The following TRIM33 variants were observed in gnomAD, a reference collection of about 807,000 sequenced individuals.
TRIM33 encodes the protein E3 ubiquitin-protein ligase TRIM33.
In TRIM33, 20 loss-of-function variants were observed where a neutral mutation model predicts 125.4. The ratio of observed to expected loss-of-function variants is 0.16; its 90% confidence interval spans 0.11 to 0.23. The LOEUF (loss-of-function observed/expected upper bound fraction) is 0.23, where lower values mean the gene tolerates loss of function less well. Among genes scored for constraint, TRIM33 ranks in the 10% least tolerant of loss-of-function variants. TRIM33 has a pLI of 1.00. For synonymous variants in TRIM33, 564 were observed against 513.9 expected (o/e 1.10, Z -1.32); for missense variants, 920 against 1,411.4 (o/e 0.65, Z 5.58).
intron 4 of TRIM33, among the ~76,000 whole-genome samples, chr1:114,458,117 C>T (rs916280450): frequency 6.6e-6 from 1 of 152,186 alleles, no homozygotes; most frequent in African/African-American, 2.4e-5. Context: ...TTAAAGCAAG[C>T]ATAATAGTTT....
Position 114,393,846 on chromosome 1 carries a change from A to G in TRIM33, c.*3802T>C, listed in dbSNP as rs1044376601. On this transcript the variant is annotated 3_prime_UTR_variant, in exon 20 of 20. Coordinates refer to ENST00000358465, the MANE Select transcript of TRIM33 (RefSeq NM_015906.4). ...GCCACAATATAGTGTCATTACTTCC[A>G]GCATACATTTAAATTTCTTAATTTT... 9.5e-6 allele frequency: 2 copies of G among 211,030 alleles called. No individual in the cohort carries two copies. The highest frequency in any genetic ancestry group is 1.9e-5 in the Non-Finnish European group (2 of 103,810). 13.1% of individuals were successfully genotyped at this position (211,030 alleles called of 1,614,324 possible).
intron 5 of TRIM33, 134 bp from the exon 6 acceptor site, chr1:114,431,046 A>C: frequency 1.3e-5 from 8 of 618,294 alleles, no homozygotes; most frequent in East Asian, 5.6e-5. Context: ...TGTACAACTC[A>C]TGTTTCAGCA....
rs148968005 is a variant in TRIM33, at chr1:114,474,109, C to G, written c.527-9721G>C. Among the ~76,000 whole-genome samples the G allele has an allele frequency of 1.6e-3, 240 of 152,184 alleles. 4 individuals are homozygous for G. Among genetic ancestry groups the G allele is most frequent in the African/African-American group, 5.6e-3 (233 of 41,514 alleles). On this transcript the variant is annotated intron_variant, in intron 1 of 19. Transcript: ENST00000358465. ...AGAGATAGGGTCTCACTATATCACC[C>G]AGGCGGGTCTCAATCTCCCAGCCTC... is the stretch of plus-strand genomic sequence containing the variant.
intron 4 of TRIM33, among the ~76,000 whole-genome samples, chr1:114,442,251 A>G (rs1339555645): frequency 6.6e-6 from 1 of 152,208 alleles, no homozygotes; most frequent in Admixed American, 6.5e-5. Flanking sequence ...TACCCCATGA[A>G]AAAATTATGC....
chr1:114,422,495 G>GGA (rs1647264405), intron 10 of TRIM33, among the ~76,000 whole-genome samples: 1 of 149,542 alleles, frequency 6.7e-6, no homozygotes, highest in Non-Finnish European at 1.5e-5. Flanking sequence ...TCTTTAAAAA[G>GGA]AAAAAAAAAA....
At chr1:114,411,215 G>T (rs1387937101) in intron 11 of TRIM33, among the ~76,000 whole-genome samples, 1 of 146,862 alleles carries the variant, frequency 6.8e-6, no homozygotes, top group Non-Finnish European at 1.5e-5. Context: ...TAATTTTTGT[G>T]TTTTTTTTTT....
chr1:114,398,431 T>C (rs1651671796), intron 18 of TRIM33, among the ~76,000 whole-genome samples: 1 of 152,184 alleles, frequency 6.6e-6, no homozygotes, highest in Admixed American at 6.5e-5. Flanking sequence ...TCAACTATAG[T>C]TCATGAAAGC....
intron 4 of TRIM33, among the ~76,000 whole-genome samples, chr1:114,448,646 T>C (rs926583341): frequency 6.6e-6 from 1 of 152,134 alleles, no homozygotes; most frequent in Non-Finnish European, 1.5e-5. Context: ...AAGGGAGTGA[T>C]TAAACTGATT....
intron 1 of TRIM33, among the ~76,000 whole-genome samples, chr1:114,505,788 G>A (rs1468735475): frequency 6.6e-6 from 1 of 151,918 alleles, no homozygotes; most frequent in African/African-American, 2.4e-5. Context: ...GGCTGATCTC[G>A]AACTCCTGAC....
At chr1:114,453,218 G>A (rs915769103) in intron 4 of TRIM33, among the ~76,000 whole-genome samples, 1 of 151,954 alleles carries the variant, frequency 6.6e-6, no homozygotes, top group African/African-American at 2.4e-5. Flanking sequence ...ACAAAAATTA[G>A]CCAGGCGTGG....
At chr1:114,425,367 T>C in intron 9 of TRIM33, 82 bp downstream of exon 9, 2 of 1,525,218 alleles carry the variant, frequency 1.3e-6, no homozygotes, top group Non-Finnish European at 1.8e-6. Context: ...AACTTTGAAA[T>C]GTGTAACTTA....
At chr1:114,487,436 A>G (rs1213637926) in intron 1 of TRIM33, among the ~76,000 whole-genome samples, 1 of 151,852 alleles carries the variant, frequency 6.6e-6, no homozygotes, top group Non-Finnish European at 1.5e-5. Context: ...AATACCCTTC[A>G]GGAATGAAGG....
In TRIM33 at chr1:114,494,067, C is replaced by A. The variant is rs553130832; in HGVS notation, c.526+16484G>T. Among the ~76,000 whole-genome samples the A allele has an allele frequency of 2.0e-5, 3 of 152,220 alleles. No homozygotes were observed. The South Asian group carries it at 6.2e-4, about 32-fold the overall frequency. On this transcript the variant is annotated intron_variant, in intron 1 of 19. Coordinates refer to ENST00000358465, the MANE Select transcript of TRIM33 (RefSeq NM_015906.4). ...CTCGATCTCCTGACCTCGTGATCTGCCCACCTTGGCCTCCCAAAGTGTTGG... is the reference window on the plus strand; with the variant it reads ...CTCGATCTCCTGACCTCGTGATCTGACCACCTTGGCCTCCCAAAGTGTTGG...
At chr1:114,436,518 T>G (rs923228731) in intron 4 of TRIM33, among the ~76,000 whole-genome samples, 1 of 151,526 alleles carries the variant, frequency 6.6e-6, no homozygotes, top group African/African-American at 2.4e-5. Context: ...CAGGCTGGAG[T>G]GCAGTGGCGC....
At chr1:114,503,065 T>C (rs543776241) in intron 1 of TRIM33, among the ~76,000 whole-genome samples, 1 of 152,358 alleles carries the variant, frequency 6.6e-6, no homozygotes, top group South Asian at 2.1e-4. Flanking sequence ...TTTCAGATCA[T>C]TGTGTGGATA....
Position 114,396,455 on chromosome 1 carries a change from C to T in TRIM33, c.*1193G>A, listed in dbSNP as rs115227797. The T allele has an allele frequency of 6.4e-3, 1,247 of 195,722 alleles. 16 individuals carry two copies. The highest frequency in any genetic ancestry group is 0.027 in the African/African-American group (1,185 of 43,294). The allele number at this position is 195,722 out of a possible 1,614,324, so 12.1% of individuals were successfully genotyped here. On this transcript the variant is annotated 3_prime_UTR_variant, in exon 20 of 20. Transcript: ENST00000358465. ...CCCCACCGGGTTTATTTCAATATTT[C>T]GATATTTCAATAATAAGCTGCTTCT...
At chr1:114,408,356 A>T (rs1436619057) in intron 13 of TRIM33, among the ~76,000 whole-genome samples, 1 of 152,142 alleles carries the variant, frequency 6.6e-6, no homozygotes, top group Non-Finnish European at 1.5e-5. Context: ...CATTAACTGG[A>T]TCTCTACTGA....
In TRIM33 at chr1:114,427,264, C is replaced by A; in HGVS notation, c.1333G>T (p.Ala445Ser). The change falls in exon 8 of 20, where the codon GCA (alanine) becomes TCA (serine). Residue 445 changes from alanine to serine, a missense_variant. Physicochemically the swap from Ala to Ser is moderately conservative, Grantham distance 99. This residue lies in a region of TRIM33 where 407 missense variants were observed against 589.7 expected (regional missense o/e 0.69). Transcript: ENST00000358465. ...GCAGCAGGGACAGGATCACACCGTGCTTTCAAAATATGACGCAACTGGAAA... is the reference window on the plus strand; with the variant it reads ...GCAGCAGGGACAGGATCACACCGTGATTTCAAAATATGACGCAACTGGAAA... ...ITFQLRHILK[A>S]RCDPVPAANG... 6.3e-7 allele frequency: 1 copy of A among 1,594,074 alleles called. No individual in the cohort carries two copies. The highest frequency in any genetic ancestry group is 8.6e-7 in the Non-Finnish European group (1 of 1,167,944).
intron 1 of TRIM33, among the ~76,000 whole-genome samples, chr1:114,508,653 A>G (rs1437507313): frequency 6.6e-6 from 1 of 152,108 alleles, no homozygotes; most frequent in African/African-American, 2.4e-5. Context: ...CTGAATATGT[A>G]TTAATAGCAT....
Sources: gnomAD v4.1 joint callset for allele counts (sites outside exome capture counted in the v4.1 genomes callset) on GRCh38, gnomAD v4.1.1 for gene constraint, gnomAD v4.1.1 regional missense constraint, MANE v1.5 for transcripts, NCBI Gene and HGNC (gene_info 2026-07-23, HGNC 2026-07-21) for gene names.